Variants in ZNF354C observed in about 807,000 individuals in gnomAD.
ZNF354C encodes KRAB-zinc finger protein synten.
Under a neutral mutation model 12.4 loss-of-function variants are expected in ZNF354C, and 7 were observed. The ratio of observed to expected loss-of-function variants is 0.56; its 90% confidence interval spans 0.32 to 1.06. ZNF354C has a LOEUF of 1.06. Among genes scored for constraint, ZNF354C ranks in the 50% least tolerant of loss-of-function variants. The probability of loss-of-function intolerance (pLI) is 0.04; values close to 1 mark genes in which losing one functional copy is unlikely to be tolerated. For synonymous variants in ZNF354C, 202 were observed against 224.5 expected, an observed-to-expected ratio of 0.90 and a Z score of 0.90; for missense variants, 609 against 658.0, an observed-to-expected ratio of 0.93 and a Z score of 0.81.
In ZNF354C at chr5:179,082,391, G is replaced by T; in HGVS notation, c.*2294G>T. The T allele has an allele frequency of 3.0e-6, 1 of 337,644 alleles. No individual in the cohort carries two copies. The highest frequency in any genetic ancestry group is 6.2e-5 in the East Asian group (1 of 16,070). The allele number at this position is 337,644 out of a possible 1,614,324, so 20.9% of individuals were successfully genotyped here. On this transcript the variant is annotated 3_prime_UTR_variant, in exon 5 of 5. Coordinates refer to ENST00000315475, the MANE Select transcript of ZNF354C (RefSeq NM_014594.3). ...TATCTTCCTGTTTAAAGAAATACAG[G>T]AATAGAGGAACAAGTTGAATTACAC...
chr5:179,062,239 C>T, intron 2 of ZNF354C, 144 bp downstream of exon 2: 1 of 1,032,878 alleles, frequency 9.7e-7, no homozygotes, highest in Non-Finnish European at 1.5e-6. Context: ...TTCCCAGTGT[C>T]TTGGGCTTAG....
intron 2 of ZNF354C, among the ~76,000 whole-genome samples, chr5:179,068,085 C>T (rs1761982918): frequency 6.6e-6 from 1 of 151,232 alleles, no homozygotes; most frequent in Non-Finnish European, 1.5e-5. Context: ...CACTTGAGCC[C>T]AGGAGTTCAA....
Position 179,080,107 on chromosome 5 carries a change from CAAAT to C in ZNF354C, c.*13_*16del. The C allele has an allele frequency of 6.6e-7, 1 of 1,520,116 alleles. No homozygotes were observed. The highest frequency in any genetic ancestry group is 8.8e-7 in the Non-Finnish European group (1 of 1,131,668). The allele number at this position is 1,520,116 out of a possible 1,614,324, so 94.2% of individuals were successfully genotyped here. A position where few individuals can be genotyped will look rare whatever the true frequency, so the allele number is the denominator to read the frequency against. On this transcript the variant is annotated 3_prime_UTR_variant, in exon 5 of 5. Coordinates refer to ENST00000315475, the MANE Select transcript of ZNF354C (RefSeq NM_014594.3). ...AGCCTATGAGGTTTAGTTCATCTCTCAAATAATCCAAGACTTCTCACTGGGGAAT... is the reference window on the plus strand; with the variant it reads ...AGCCTATGAGGTTTAGTTCATCTCTCAATCCAAGACTTCTCACTGGGGAAT...
At position 179,078,286 on chromosome 5, in the gene ZNF354C, C is replaced by T. The variant is rs531686486; in HGVS notation, c.251-397C>T. Among the ~76,000 whole-genome samples the T allele has an allele frequency of 2.6e-5, 4 of 152,284 alleles. No homozygotes were observed. In the East Asian group the frequency reaches 7.7e-4, roughly 29 times the overall value. On this transcript the variant is annotated intron_variant, in intron 4 of 4. Coordinates refer to ENST00000315475, the MANE Select transcript of ZNF354C (RefSeq NM_014594.3). ...ATGTGAGTAAGAAGGAGAAGGTGGA[C>T]AGGCTGCCTACTTCATTGCCTGGTA...
intron 2 of ZNF354C, among the ~76,000 whole-genome samples, chr5:179,070,830 C>A (rs1033039537): frequency 6.9e-6 from 1 of 145,574 alleles, no homozygotes; most frequent in Non-Finnish European, 1.5e-5. Flanking sequence ...TGATTAGCAG[C>A]CTTGATCGCT....
chr5:179,074,290 A>AC (rs1762085177), intron 2 of ZNF354C, among the ~76,000 whole-genome samples: 2 of 103,306 alleles, frequency 1.9e-5, no homozygotes, highest in Admixed American at 1.1e-4. Context: ...TAATTTTTGT[A>AC]CTTTTTTTTT....
At position 179,076,489 on chromosome 5, in the gene ZNF354C, C is replaced by A. The variant is rs751805522; in HGVS notation, c.72C>A (p.Asp24Glu). The stretch of plus-strand genomic sequence containing the variant: ...ATGTGGCCGTGTTCTTCAGCCAGGA[C>A]GAGTGGTTGCACCTGGACTCTGCCC... ...FRDVAVFFSQ[D>E]EWLHLDSAQR... Residue 24 changes from aspartate (D) to glutamate (E), a missense_variant, in exon 3 of 5, where the codon GAC (aspartate) becomes GAA (glutamate). Coordinates refer to ENST00000315475, the MANE Select transcript of ZNF354C (RefSeq NM_014594.3). The A allele has an allele frequency of 6.2e-7, 1 of 1,614,038 alleles. No individual in the cohort carries two copies. Among genetic ancestry groups the A allele is most frequent in the Admixed American group, 1.7e-5 (1 of 60,006 alleles).
chr5:179,077,253 A>C (rs1037124047), intron 4 of ZNF354C, 87 bp downstream of exon 4: 17 of 1,053,914 alleles, frequency 1.6e-5, no homozygotes, highest in Non-Finnish European at 2.3e-5. Context: ...ACTCTTGGAA[A>C]TACTGAGTCC....
intron 3 of ZNF354C, 81 bp from the exon 4 acceptor site, chr5:179,076,990 G>A: frequency 8.1e-7 from 1 of 1,229,916 alleles, no homozygotes; most frequent in Non-Finnish European, 1.2e-6. Flanking sequence ...TTGCTGTGTT[G>A]GTTCAGAGTG....
intron 2 of ZNF354C, among the ~76,000 whole-genome samples, chr5:179,068,840 G>T (rs1761997845): frequency 6.6e-6 from 1 of 152,158 alleles, no homozygotes; most frequent in South Asian, 2.1e-4. Context: ...CAAGATCAAG[G>T]TGTGGGCAAG....
intron 2 of ZNF354C, among the ~76,000 whole-genome samples, chr5:179,063,939 C>T (rs936032423): frequency 6.6e-6 from 1 of 152,230 alleles, no homozygotes; most frequent in Non-Finnish European, 1.5e-5. Context: ...TGGTGTGCTT[C>T]GCCTCACTAG....
rs775902312 is a variant in ZNF354C at position 179,079,755 on chromosome 5, A to C, written c.1323A>C (p.Thr441=). The part of the protein sequence containing the change: ...RKIHTGEKLY[T]CEECGKAFGC... ...TTCATACTGGGGAAAAACTTTATAC[A>C]TGTGAGGAATGTGGGAAAGCCTTTG... is the stretch of plus-strand genomic sequence containing the variant. Residue 441 remains threonine, a synonymous_variant, in exon 5 of 5, where the codon ACA becomes ACC. Coordinates refer to ENST00000315475, the MANE Select transcript of ZNF354C (RefSeq NM_014594.3). The surrounding 1 kb of genome is among the most constrained non-coding windows in gnomAD (Gnocchi z 4.2). 83 of 1,613,996 alleles carry C rather than the reference A, an allele frequency of 5.1e-5. No individual in the cohort carries two copies. The highest frequency in any genetic ancestry group is 6.9e-5 in the Non-Finnish European group (81 of 1,180,022).
Position 179,081,949 on chromosome 5 carries a change from G to A in ZNF354C, c.*1852G>A, listed in dbSNP as rs1216729940. 1 of 152,128 alleles carries A rather than the reference G, an allele frequency of 6.6e-6. No individual in the cohort carries two copies. The highest frequency in any genetic ancestry group is 2.4e-5 in the African/African-American group (1 of 41,420). The allele number at this position is 152,128 out of a possible 1,614,324, so 9.4% of individuals were successfully genotyped here. A position where few individuals can be genotyped will look rare whatever the true frequency, so the allele number is the denominator to read the frequency against. ...CAACTTAGAATAATCACTCTTACTG[G>A]TGATAATACTAAGAAGGAAAAGAAG... On this transcript the variant is annotated 3_prime_UTR_variant, in exon 5 of 5. Coordinates refer to ENST00000315475, the MANE Select transcript of ZNF354C (RefSeq NM_014594.3).
At chr5:179,063,494 G>A (rs948705081) in intron 2 of ZNF354C, among the ~76,000 whole-genome samples, 1 of 152,204 alleles carries the variant, frequency 6.6e-6, no homozygotes, top group East Asian at 1.9e-4. Context: ...AGGAATTCGA[G>A]GCTGCAAGTG....
chr5:179,065,959 T>G (rs1761954123), intron 2 of ZNF354C, among the ~76,000 whole-genome samples: 2 of 152,184 alleles, frequency 1.3e-5, no homozygotes, highest in Non-Finnish European at 2.9e-5. Flanking sequence ...TGCCTTCCCA[T>G]ACTGTATTCC....
chr5:179,065,909 G>A (rs1761953294), intron 2 of ZNF354C, among the ~76,000 whole-genome samples: 1 of 152,148 alleles, frequency 6.6e-6, no homozygotes, highest in Admixed American at 6.5e-5. Flanking sequence ...CTGAGGCACT[G>A]TTTGTCAAGT....
Position 179,080,319 on chromosome 5 carries a change from A to G in ZNF354C, c.*222A>G, listed in dbSNP as rs1247049423. On this transcript the variant is annotated 3_prime_UTR_variant, in exon 5 of 5. Coordinates refer to ENST00000315475, the MANE Select transcript of ZNF354C (RefSeq NM_014594.3). ...GGTATCTAAAAACCTATGAGTATTTAATTCATAGAAAAAATGTAAAAGGTC... is the reference window on the plus strand; with the variant it reads ...GGTATCTAAAAACCTATGAGTATTTGATTCATAGAAAAAATGTAAAAGGTC... 3 of 285,642 alleles carry G rather than the reference A, an allele frequency of 1.1e-5. No homozygotes were observed. The highest frequency in any genetic ancestry group is 2.2e-5 in the African/African-American group (1 of 45,598). 17.7% of individuals were successfully genotyped at this position (285,642 alleles called of 1,614,324 possible). A position where few individuals can be genotyped will look rare whatever the true frequency, so the allele number is the denominator to read the frequency against.
intron 2 of ZNF354C, among the ~76,000 whole-genome samples, chr5:179,073,162 A>G (rs1180432091): frequency 2.0e-5 from 3 of 152,246 alleles, no homozygotes; most frequent in East Asian, 3.8e-4. Context: ...GACAAAAAAA[A>G]TCAACCCAGA....
At position 179,079,946 on chromosome 5, in the gene ZNF354C, A is replaced by G. The variant is rs1218784626; in HGVS notation, c.1514A>G (p.Tyr505Cys). ...LYKCMECGKA[Y>C]SYRSNLCRHK... ...AAATGTATGGAATGTGGGAAAGCCT[A>G]CAGTTACAGATCAAACCTTTGTAGA... The change falls in exon 5 of 5, where the codon TAC (tyrosine) becomes TGC (cysteine). Residue 505 changes from tyrosine to cysteine, a missense_variant. By Grantham distance (194) the Tyr-to-Cys change is radical. Coordinates refer to ENST00000315475, the MANE Select transcript of ZNF354C (RefSeq NM_014594.3). The surrounding 1 kb of genome is among the most constrained non-coding windows in gnomAD (Gnocchi z 4.2). 6.2e-7 allele frequency: 1 copy of G among 1,614,116 alleles called. No homozygotes were observed. Among genetic ancestry groups the G allele is most frequent in the Non-Finnish European group, 8.5e-7 (1 of 1,179,996 alleles).
Sources: allele counts gnomAD v4.1 joint callset (sites outside exome capture counted in the v4.1 genomes callset), GRCh38; gene constraint gnomAD v4.1.1; non-coding constraint Gnocchi (gnomAD v3.1); transcripts MANE v1.5; gene names NCBI Gene and HGNC (gene_info 2026-07-23, HGNC 2026-07-21).